The following DCAKD variants were observed in gnomAD, a reference collection of about 807,000 sequenced individuals.
The protein encoded by DCAKD is dephospho-CoA kinase domain containing.
DCAKD carries 15 observed loss-of-function variants against 18.7 expected under a neutral mutation model. The ratio of observed to expected loss-of-function variants is 0.80; its 90% CI spans 0.54 to 1.24. DCAKD has a LOEUF of 1.24. DCAKD is among the 50% of genes most tolerant of loss of function. The pLI is 0.00. For missense variants in DCAKD, 301 were observed against 322.0 expected (o/e 0.93, Z 0.50); for synonymous variants, 130 against 133.0 (o/e 0.98, Z 0.16).
At chr17:45,049,639 A>C in intron 1 of DCAKD, among the ~76,000 whole-genome samples, 1 of 152,004 alleles carries the variant, frequency 6.6e-6, no homozygotes, top group East Asian at 1.9e-4. Context: ...AATCTTCAAA[A>C]TAAAAATGTG....
chr17:45,045,890 G>A (rs374202472), intron 1 of DCAKD, among the ~76,000 whole-genome samples: 13,680 of 151,646 alleles, frequency 0.09, 717 homozygotes, highest in East Asian at 0.15. Flanking sequence ...CAATGGTGCG[G>A]TTTTGGCTTA....
At chr17:45,026,515 G>A (rs193179553) in intron 4 of DCAKD, 11 of 778,712 alleles carry the variant, frequency 1.4e-5, no homozygotes, top group East Asian at 1.3e-4. Context: ...GTGAGCCACC[G>A]CGCCTGGCTT....
At chr17:45,059,137 G>A (rs2053820616) in intron 1 of DCAKD, among the ~76,000 whole-genome samples, 1 of 152,128 alleles carries the variant, frequency 6.6e-6, no homozygotes, top group Admixed American at 6.6e-5. Flanking sequence ...CTACTTGGGA[G>A]GCTGAGGTAG....
upstream of DCAKD, among the ~76,000 whole-genome samples, chr17:45,053,704 G>A (rs570509840): frequency 2.6e-5 from 4 of 152,286 alleles, no homozygotes; most frequent in Non-Finnish European, 5.9e-5. Flanking sequence ...ACAGGCGTCA[G>A]CCACCATGCC....
chr17:45,036,259 G>A (rs2053295409), intron 1 of DCAKD, among the ~76,000 whole-genome samples: 1 of 152,236 alleles, frequency 6.6e-6, no homozygotes, highest in African/African-American at 2.4e-5. Flanking sequence ...GCTCACGCCT[G>A]TAATCCCAGC....
At chr17:45,057,794 TGAG>T (rs1000177332) in intron 1 of DCAKD, among the ~76,000 whole-genome samples, 42 of 151,652 alleles carry the variant, frequency 2.8e-4, no homozygotes, top group African/African-American at 9.4e-4. Context: ...GCGGATCACC[TGAG>T]GTCAGGAGTT....
chr17:45,038,803 C>A (rs902435743), intron 1 of DCAKD, among the ~76,000 whole-genome samples: 1 of 152,118 alleles, frequency 6.6e-6, no homozygotes, highest in South Asian at 2.1e-4. Context: ...AAGGAGCACA[C>A]GCCCAGGGAG....
intron 4 of DCAKD, among the ~76,000 whole-genome samples, chr17:45,029,270 G>A (rs149183945): frequency 2.0e-5 from 3 of 152,352 alleles, no homozygotes; most frequent in African/African-American, 7.2e-5. Flanking sequence ...GGGACCCAGG[G>A]GGAAAGGCAG....
chr17:45,053,187 A>C (rs1008147147), upstream of DCAKD, among the ~76,000 whole-genome samples: 20 of 148,186 alleles, frequency 1.3e-4, no homozygotes, highest in East Asian at 5.8e-4. Context: ...AAAAAAAAAA[A>C]AAAAAAAAAC....
At position 45,035,244 on chromosome 17, in the gene DCAKD, G is replaced by T. The variant is rs1236816229; in HGVS notation, c.-114-245C>A. The stretch of plus-strand genomic sequence containing the variant: ...ACCTGTAATCCCAGCACTTTGGGAG[G>T]CCAAGGTGGGTGGATCACCTGAGGT... On this transcript the variant is annotated intron_variant, in intron 1 of 4. Coordinates refer to ENST00000651974, the MANE Select transcript of DCAKD (RefSeq NM_001288655.2). 1.9e-5 allele frequency: 4 copies of T among 210,286 alleles called. 1 individual carries two copies. In the South Asian group the frequency reaches 2.6e-4, roughly 14 times the overall value. The allele number at this position is 210,286 out of a possible 1,614,324, so 13.0% of individuals were successfully genotyped here. A position where few individuals can be genotyped will look rare whatever the true frequency, so the allele number is the denominator to read the frequency against.
intron 1 of DCAKD, among the ~76,000 whole-genome samples, chr17:45,036,654 A>G (rs990133231): frequency 6.6e-6 from 1 of 152,190 alleles, no homozygotes; most frequent in African/African-American, 2.4e-5. Flanking sequence ...TGCAAGGCAT[A>G]GAAAGGAAAA....
chr17:45,032,708 C>T (rs1256962806), intron 3 of DCAKD, among the ~76,000 whole-genome samples: 2 of 150,252 alleles, frequency 1.3e-5, no homozygotes, highest in African/African-American at 4.9e-5. Context: ...CGCTTGAACC[C>T]GGGAAGGGAG....
chr17:45,046,208 T>C (rs77311783), intron 1 of DCAKD, among the ~76,000 whole-genome samples: 6,971 of 152,208 alleles, frequency 0.046, 524 homozygotes, highest in African/African-American at 0.16. Context: ...GACAATATAT[T>C]GGGCTAAAAG....
At chr17:45,043,784 A>T (rs909972128) in intron 1 of DCAKD, among the ~76,000 whole-genome samples, 1 of 151,952 alleles carries the variant, frequency 6.6e-6, no homozygotes. Flanking sequence ...GGTTTTTCTC[A>T]TAACTCCATT....
intron 4 of DCAKD, among the ~76,000 whole-genome samples, chr17:45,028,854 G>A (rs969516989): frequency 2.0e-5 from 3 of 151,142 alleles, no homozygotes; most frequent in Non-Finnish European, 4.4e-5. Flanking sequence ...ACAGGTGCCC[G>A]CCACAACACC....
At chr17:45,027,339 C>A (rs1242695581) in intron 4 of DCAKD, among the ~76,000 whole-genome samples, 1 of 152,174 alleles carries the variant, frequency 6.6e-6, no homozygotes, top group Non-Finnish European at 1.5e-5. Flanking sequence ...AAAAAAGAAA[C>A]CAGCATGAAA....
intron 4 of DCAKD, among the ~76,000 whole-genome samples, chr17:45,025,354 A>G (rs2053032430): frequency 6.6e-6 from 1 of 152,156 alleles, no homozygotes; most frequent in Admixed American, 6.5e-5. Flanking sequence ...GACAAGCCCA[A>G]GGTGCTTCAA....
chr17:45,061,038 G>T, exon 1 of DCAKD: 1 of 1,189,770 alleles, frequency 8.4e-7, no homozygotes, highest in South Asian at 2.3e-5. Flanking sequence ...CATCATGCCA[G>T]GCGGCCGCCC....
In DCAKD at chr17:45,051,601, C is replaced by T. The variant is rs992568961; in HGVS notation, c.-355G>A. 1 of 151,180 alleles carries T rather than the reference C, an allele frequency of 6.6e-6. No individual in the cohort carries two copies. The highest frequency in any genetic ancestry group is 1.5e-5 in the Non-Finnish European group (1 of 67,806). 9.4% of individuals were successfully genotyped at this position (151,180 alleles called of 1,614,324 possible). ...GCCTCCGCCTCTAGCCCAATCTCCGCAGCGCTTACAGGCCGGCTCAGCGGG... is the reference window on the plus strand; with the variant it reads ...GCCTCCGCCTCTAGCCCAATCTCCGTAGCGCTTACAGGCCGGCTCAGCGGG... On this transcript the variant is annotated 5_prime_UTR_variant, in exon 1 of 5. Transcript: ENST00000651974.
Sources: gnomAD v4.1 joint callset for allele counts (sites outside exome capture counted in the v4.1 genomes callset) on GRCh38, gnomAD v4.1.1 for gene constraint, MANE v1.5 for transcripts, NCBI Gene and HGNC (gene_info 2026-07-23, HGNC 2026-07-21) for gene names.